The following MTA3 variants were observed in gnomAD, a reference collection of about 807,000 sequenced individuals.
MTA3 encodes the protein metastasis associated 1 family member 3, also known as metastasis-associated protein MTA3.
A neutral mutation model predicts 83.5 loss-of-function variants in MTA3; 34 were observed. The observed-to-expected ratio is 0.41, with a 90% CI of 0.31 to 0.54. The LOEUF is 0.54. Ranked by LOEUF, MTA3 falls within the 20% of genes least tolerant of loss-of-function variation. The pLI is 0.33. For missense variants in MTA3, 761 were observed against 726.4 expected, an observed-to-expected ratio of 1.05 and a Z score of -0.55; for synonymous variants, 303 against 252.7, an observed-to-expected ratio of 1.20 and a Z score of -1.89.
At chr2:42,594,119 T>G (rs1411240344) in intron 3 of MTA3, among the ~76,000 whole-genome samples, 2 of 151,768 alleles carry the variant, frequency 1.3e-5, no homozygotes, top group African/African-American at 4.8e-5. Context: ...GCCTGGCTAA[T>G]TTTTGTATTT....
intron 8 of MTA3, among the ~76,000 whole-genome samples, chr2:42,661,239 A>T (rs911574494): frequency 1.3e-5 from 2 of 152,090 alleles, no homozygotes; most frequent in Non-Finnish European, 2.9e-5. Flanking sequence ...GAACTTTAAA[A>T]ATCAGATATT....
intron 2 of MTA3, among the ~76,000 whole-genome samples, chr2:42,523,761 CA>C (rs1249150882): frequency 6.6e-6 from 1 of 151,824 alleles, no homozygotes; most frequent in Non-Finnish European, 1.5e-5. Context: ...AAAACAAAAA[CA>C]AAACAAATAG....
chr2:42,698,101 A>G (rs2104477495), intron 11 of MTA3, among the ~76,000 whole-genome samples: 1 of 152,316 alleles, frequency 6.6e-6, no homozygotes, highest in Admixed American at 6.5e-5. Flanking sequence ...CAGAAAACCT[A>G]TGAAATGCTG....
intron 3 of MTA3, among the ~76,000 whole-genome samples, chr2:42,580,207 A>G (rs1454182910): frequency 6.6e-6 from 1 of 152,012 alleles, no homozygotes; most frequent in Non-Finnish European, 1.5e-5. Context: ...TTGGCTTTCC[A>G]AAGGCTCAAG....
At chr2:42,606,459 A>T (rs1406340499) in intron 3 of MTA3, among the ~76,000 whole-genome samples, 2 of 146,006 alleles carry the variant, frequency 1.4e-5, no homozygotes, top group Admixed American at 1.4e-4. Context: ...ATCTCAGACG[A>T]TCTCCTCACA....
intron 16 of MTA3, among the ~76,000 whole-genome samples, chr2:42,736,766 C>T (rs574002803): frequency 1.3e-5 from 2 of 152,300 alleles, no homozygotes; most frequent in South Asian, 4.1e-4. Flanking sequence ...GAGTCTCATC[C>T]AAGGCACACA....
At chr2:42,589,621 C>A (rs908111198) in intron 3 of MTA3, among the ~76,000 whole-genome samples, 3 of 152,132 alleles carry the variant, frequency 2.0e-5, no homozygotes, top group African/African-American at 2.4e-5. Context: ...GGTGCCATCT[C>A]GGCTTACTGC....
chr2:42,658,058 G>A (rs1384270946), intron 7 of MTA3, among the ~76,000 whole-genome samples: 1 of 106,380 alleles, frequency 9.4e-6, no homozygotes, highest in African/African-American at 4.0e-5. Flanking sequence ...GGCGACAGAG[G>A]AAGACTCTGT....
intron 8 of MTA3, among the ~76,000 whole-genome samples, chr2:42,681,822 T>C (rs1008373226): frequency 6.6e-6 from 1 of 150,816 alleles, no homozygotes; most frequent in Non-Finnish European, 1.5e-5. Flanking sequence ...GGCTAGACTT[T>C]CAGGGTTACA....
At chr2:42,513,552 GAGACCC>G (rs1301170257) in intron 2 of MTA3, among the ~76,000 whole-genome samples, 1 of 152,158 alleles carries the variant, frequency 6.6e-6, no homozygotes, top group East Asian at 1.9e-4. Flanking sequence ...AACCTAGCGA[GAGACCC>G]AGCTCCATGG....
chr2:42,714,879 C>T lies in MTA3; in HGVS notation c.1526-4109C>T, dbSNP rs1446765928. On this transcript the variant is annotated intron_variant, in intron 14 of 16. Transcript: ENST00000405094. ...GAATCTAATGCTGCCACTGACCTGA[C>T]AGGAGGCGGAGCTCAGGCGGTAATG... is the stretch of plus-strand genomic sequence containing the variant. Among the ~76,000 whole-genome samples the T allele has an allele frequency of 3.3e-5, 5 of 152,192 alleles. No individual in the cohort carries two copies. The South Asian group carries it at 1.0e-3, about 31-fold the overall frequency.
chr2:42,494,804 C>A (rs1209560222), exon 1 of MTA3: 1 of 152,516 alleles, frequency 6.6e-6, no homozygotes, highest in Admixed American at 6.5e-5. Flanking sequence ...TCTTGATTTC[C>A]CCCGCGCACC....
chr2:42,543,564 C>A (rs866306619), intron 2 of MTA3, among the ~76,000 whole-genome samples: 1 of 151,954 alleles, frequency 6.6e-6, no homozygotes, highest in Non-Finnish European at 1.5e-5. Context: ...CTCATTGCAA[C>A]AGCCTGGAAC....
At chr2:42,510,075 C>G (rs1224186516) in intron 2 of MTA3, among the ~76,000 whole-genome samples, 1 of 152,124 alleles carries the variant, frequency 6.6e-6, no homozygotes, top group Non-Finnish European at 1.5e-5. Context: ...CCTGTAATCC[C>G]AGCACTTTGG....
At chr2:42,622,832 G>A (rs578050326) in intron 4 of MTA3, among the ~76,000 whole-genome samples, 4 of 152,228 alleles carry the variant, frequency 2.6e-5, no homozygotes, top group South Asian at 4.2e-4. Context: ...TTTGAGAAGC[G>A]TTGACAAAGT....
chr2:42,693,986 A>C (rs1693149300), intron 9 of MTA3, among the ~76,000 whole-genome samples: 2 of 152,108 alleles, frequency 1.3e-5, no homozygotes, highest in Admixed American at 1.3e-4. Flanking sequence ...TGAATCTTGC[A>C]GGGACTGGGT....
chr2:42,675,849 A>T (rs1410557679), intron 8 of MTA3, among the ~76,000 whole-genome samples: 1 of 152,230 alleles, frequency 6.6e-6, no homozygotes, highest in African/African-American at 2.4e-5. Context: ...GTAAGATTAG[A>T]CTACGTAAAG....
At chr2:42,551,808 A>C (rs1043511881) in intron 2 of MTA3, among the ~76,000 whole-genome samples, 10 of 151,186 alleles carry the variant, frequency 6.6e-5, no homozygotes, top group Non-Finnish European at 1.5e-4. Context: ...GCTCACTGCA[A>C]CCTCCGCCTC....
intron 4 of MTA3, among the ~76,000 whole-genome samples, chr2:42,612,370 A>G (rs1223641686): frequency 6.6e-6 from 1 of 151,854 alleles, no homozygotes; most frequent in African/African-American, 2.4e-5. Context: ...TTGTGCCACC[A>G]TGCCTGGCTA....
Sources: allele counts gnomAD v4.1 joint callset (sites outside exome capture counted in the v4.1 genomes callset), GRCh38; gene constraint gnomAD v4.1.1; transcripts MANE v1.5; gene names NCBI Gene and HGNC (gene_info 2026-07-23, HGNC 2026-07-21).